The following MGAM variants were observed in gnomAD, a reference collection of about 807,000 sequenced individuals.
MGAM encodes the protein maltase-glucoamylase.
In MGAM, 253 loss-of-function variants were observed where a neutral mutation model predicts 358.8. That is an observed-to-expected ratio of 0.71 (90% CI 0.64 to 0.78). The LOEUF (loss-of-function observed/expected upper bound fraction) is 0.78. MGAM is among the 30% of genes least tolerant of loss of function. The probability of loss-of-function intolerance (pLI) is 0.00; values close to 1 mark genes in which losing one functional copy is unlikely to be tolerated. For missense variants in MGAM, 3,080 were observed against 3,432.6 expected, an observed-to-expected ratio of 0.90 and a Z score of 2.57; for synonymous variants, 1,105 against 1,227.1, an observed-to-expected ratio of 0.90 and a Z score of 2.08.
chr7:142,103,128 C>A, intron 69 of MGAM, 141 bp from the exon 70 acceptor site: 2 of 755,892 alleles, frequency 2.6e-6, no homozygotes, highest in Non-Finnish European at 4.2e-6. Flanking sequence ...GTGATGAAAT[C>A]ATGATTTCCA....
intron 25 of MGAM, 78 bp downstream of exon 25, chr7:142,052,524 T>C (rs1811093456): frequency 6.5e-7 from 1 of 1,544,680 alleles, no homozygotes; most frequent in South Asian, 1.2e-5. Context: ...GCAGTGGTAC[T>C]TACATAACTA....
Position 142,058,927 on chromosome 7 carries a change from G to A in MGAM, c.3820-545G>A, listed in dbSNP as rs578109623. Among the ~76,000 whole-genome samples, 7 of 152,304 alleles carry A rather than the reference G, an allele frequency of 4.6e-5. No individual in the cohort carries two copies. In the South Asian group the frequency reaches 1.5e-3, roughly 32 times the overall value. On this transcript the variant is annotated intron_variant, in intron 31 of 70. Coordinates refer to ENST00000475668, the MANE Select transcript of MGAM (RefSeq NM_001365693.1). ...TTATCCCACTTTTCTATTGTTTACAGTTGTTCCATTAGTGGAATGTAGTGT... is the reference window on the plus strand; with the variant it reads ...TTATCCCACTTTTCTATTGTTTACAATTGTTCCATTAGTGGAATGTAGTGT...
chr7:142,096,271 T>C (rs1815894619), intron 64 of MGAM, 60 bp from the exon 65 acceptor site: 1 of 1,420,336 alleles, frequency 7.0e-7, no homozygotes, highest in East Asian at 2.3e-5. Context: ...AGGAGCTTCT[T>C]CAGAGTGTCG....
intron 54 of MGAM, 81 bp from the exon 55 acceptor site, chr7:142,085,752 C>T: frequency 6.9e-7 from 1 of 1,447,128 alleles, no homozygotes; most frequent in Non-Finnish European, 9.4e-7. Context: ...GGAATTCCAC[C>T]ATGGGTGGTG....
intron 54 of MGAM, among the ~76,000 whole-genome samples, chr7:142,085,310 T>G (rs1814651485): frequency 6.8e-6 from 1 of 146,814 alleles, no homozygotes; most frequent in African/African-American, 2.4e-5. Flanking sequence ...TAGTGGATAG[T>G]GAAATGCAAT....
chr7:142,009,733 A>G (rs555190789), intron 3 of MGAM, among the ~76,000 whole-genome samples: 1 of 150,370 alleles, frequency 6.7e-6, no homozygotes, highest in East Asian at 1.9e-4. Context: ...TTTTTTGCTC[A>G]GCCAGAGAGA....
At chr7:141,987,621 G>C (rs1803771715) in intron 2 of MGAM, among the ~76,000 whole-genome samples, 1 of 151,794 alleles carries the variant, frequency 6.6e-6, no homozygotes. Flanking sequence ...GGAAATAATG[G>C]GGGTTTCTAG....
intron 3 of MGAM, among the ~76,000 whole-genome samples, chr7:142,015,311 C>T (rs1805886397): frequency 6.6e-6 from 1 of 152,058 alleles, no homozygotes; most frequent in African/African-American, 2.4e-5. Context: ...CAAATATTTA[C>T]TGTTAAGAGG....
upstream of MGAM, among the ~76,000 whole-genome samples, chr7:141,994,367 A>C (rs1169758492): frequency 1.3e-5 from 2 of 152,144 alleles, no homozygotes; most frequent in Non-Finnish European, 2.9e-5. Flanking sequence ...TCAAAGGCTA[A>C]GGTTTGTAAA....
At chr7:142,055,149 A>G (rs1159590105) in intron 27 of MGAM, among the ~76,000 whole-genome samples, 1 of 152,164 alleles carries the variant, frequency 6.6e-6, no homozygotes, top group Non-Finnish European at 1.5e-5. Flanking sequence ...CCTTCTCTAG[A>G]TTAGGTGCTG....
intron 1 of MGAM, among the ~76,000 whole-genome samples, chr7:141,997,842 G>A (rs1203914452): frequency 6.6e-6 from 1 of 152,178 alleles, no homozygotes; most frequent in East Asian, 1.9e-4. Context: ...GCTGGGAAAG[G>A]ATGGCCCAAC....
At chr7:142,062,535 G>A (rs1251858510) in intron 34 of MGAM, 33 bp from the exon 35 acceptor site, 35 of 1,526,346 alleles carry the variant, frequency 2.3e-5, no homozygotes, top group Non-Finnish European at 2.9e-5. Flanking sequence ...CTATATTTGT[G>A]TGGGACAAAG....
At chr7:142,001,772 G>T (rs1450918769) in intron 1 of MGAM, among the ~76,000 whole-genome samples, 1 of 152,156 alleles carries the variant, frequency 6.6e-6, no homozygotes, top group African/African-American at 2.4e-5. Flanking sequence ...GTCGGGTGTG[G>T]TGACACACTC....
At chr7:142,035,174 G>C (rs1316832295) in intron 16 of MGAM, among the ~76,000 whole-genome samples, 4 of 152,140 alleles carry the variant, frequency 2.6e-5, no homozygotes, top group African/African-American at 7.2e-5. Context: ...CTAGTACCAA[G>C]ATGAAGAACT....
chr7:142,094,760 T>A lies in MGAM; in HGVS notation c.7355T>A (p.Ile2452Asn), dbSNP rs1240922992. The A allele has an allele frequency of 1.2e-6, 2 of 1,613,664 alleles. No individual in the cohort carries two copies. Among genetic ancestry groups the A allele is most frequent in the Non-Finnish European group, 1.7e-6 (2 of 1,179,858 alleles). Residue 2452 changes from isoleucine to asparagine, a missense_variant, in exon 63 of 71, where the codon ATC (isoleucine) becomes AAC (asparagine). By Grantham distance (149) the Ile-to-Asn change is moderately radical. This residue lies in a region of MGAM where 932 missense variants were observed against 1,198.2 expected (regional missense o/e 0.78). Coordinates refer to ENST00000475668, the MANE Select transcript of MGAM (RefSeq NM_001365693.1). The part of the protein sequence containing the change: ...LFGISYTGAD[I>N]CGFFQDAEYE... ...CTCTTGTTTCAGACGGGAGCAGATA[T>A]CTGTGGGTTCTTTCAAGATGCTGAA...
chr7:142,014,009 A>C (rs1342544993), intron 3 of MGAM, among the ~76,000 whole-genome samples: 1 of 152,220 alleles, frequency 6.6e-6, no homozygotes, highest in Non-Finnish European at 1.5e-5. Flanking sequence ...ATGTGCAGCT[A>C]AGATTAATAA....
chr7:142,042,840 A>G lies in MGAM; in HGVS notation c.2498+1994A>G, dbSNP rs1345896522. ...TATCTAAATATAATATCTATATTAT[A>G]TATACATATAATATCTAAATATAAT... On this transcript the variant is annotated intron_variant, in intron 21 of 70. Transcript: ENST00000475668. Among the ~76,000 whole-genome samples the G allele has an allele frequency of 5.0e-5, 3 of 59,874 alleles. No homozygotes were observed. In the East Asian group the frequency reaches 1.4e-3, roughly 28 times the overall value. The allele number at this position is 59,874 out of a possible 152,430, so 39.3% of individuals were successfully genotyped here.
intron 44 of MGAM, among the ~76,000 whole-genome samples, chr7:142,071,574 C>T (rs749091763): frequency 6.8e-6 from 1 of 146,352 alleles, no homozygotes; most frequent in Non-Finnish European, 1.5e-5. Flanking sequence ...CCAGAACTCT[C>T]CTCTCTTGAG....
At chr7:142,093,684 T>G in intron 60 of MGAM, 134 bp downstream of exon 60, 1 of 1,060,512 alleles carries the variant, frequency 9.4e-7, no homozygotes, top group Admixed American at 2.6e-5. Context: ...GTAATGATTC[T>G]TATTAGATAA....
Sources: gnomAD v4.1 joint callset for allele counts (sites outside exome capture counted in the v4.1 genomes callset) on GRCh38, gnomAD v4.1.1 for gene constraint, gnomAD v4.1.1 regional missense constraint, MANE v1.5 for transcripts, NCBI Gene and HGNC (gene_info 2026-07-23, HGNC 2026-07-21) for gene names.